TRMT61A: variants seen among roughly 807,000 people sequenced by gnomAD.
TRMT61A encodes tRNA methyltransferase 61A.
TRMT61A carries 15 observed loss-of-function variants against 21.3 expected under a neutral mutation model. The observed-to-expected ratio is 0.70, with a 90% CI of 0.47 to 1.08. TRMT61A has a LOEUF of 1.08. Among genes scored for constraint, TRMT61A ranks in the 50% least tolerant of loss-of-function variants. TRMT61A has a pLI of 0.00. For missense variants in TRMT61A, 352 were observed against 426.7 expected, an observed-to-expected ratio of 0.83 and a Z score of 1.54; for synonymous variants, 183 against 185.5, an observed-to-expected ratio of 0.99 and a Z score of 0.11.
At chr14:103,529,314 C>A in intron 1 of TRMT61A, 53 bp downstream of exon 1, 1 of 221,106 alleles carries the variant, frequency 4.5e-6, no homozygotes, top group Non-Finnish European at 9.4e-6. Flanking sequence ...GTGACCCGGG[C>A]CGGGCACGGC....
At chr14:103,533,924 C>T (rs1333682230) in intron 3 of TRMT61A, among the ~76,000 whole-genome samples, 3 of 152,218 alleles carry the variant, frequency 2.0e-5, no homozygotes, top group African/African-American at 7.2e-5. Context: ...ACCTCAGGGA[C>T]GTTTGAGGAC....
At position 103,529,990 on chromosome 14, in the gene TRMT61A, G is replaced by C; in HGVS notation, c.12G>C (p.Val4=). Residue 4 remains valine (V), a synonymous_variant, in exon 2 of 4, where the codon GTG becomes GTC. Coordinates refer to ENST00000389749, the MANE Select transcript of TRMT61A (RefSeq NM_152307.3). The stretch of plus-strand genomic sequence containing the variant: ...CAGACATTAGCACCATGAGCTTCGT[G>C]GCATACGAGGAGCTGATCAAGGAGG... MSF[V]AYEELIKEGD... 1 of 1,606,946 alleles carries C rather than the reference G, an allele frequency of 6.2e-7. No homozygotes were observed. The highest frequency in any genetic ancestry group is 1.1e-5 in the South Asian group (1 of 90,826).
rs756077573 is a variant in TRMT61A, at chr14:103,534,747, C to T, written c.796C>T (p.Arg266Cys). 50 of 1,592,044 alleles carry T rather than the reference C, an allele frequency of 3.1e-5. No homozygotes were observed. Among genetic ancestry groups the T allele is most frequent in the Admixed American group, 1.7e-4 (10 of 58,404 alleles). Residue 266 changes from arginine (R) to cysteine (C), a missense_variant, in exon 4 of 4, where the codon CGC (arginine) becomes TGC (cysteine). Physicochemically the swap from Arg to Cys is radical, Grantham distance 180. Coordinates refer to ENST00000389749, the MANE Select transcript of TRMT61A (RefSeq NM_152307.3). Reference sequence around the variant, plus strand: ...TGCCGGCTCCGACACCAGCCCCTTCCGCAGCGGCACGCCCATGAAGGAGGC... The same window carrying T: ...TGCCGGCTCCGACACCAGCCCCTTCTGCAGCGGCACGCCCATGAAGGAGGC... ...GPAGSDTSPFRSGTPMKEAVG... is the reference protein window; with the variant it reads ...GPAGSDTSPFCSGTPMKEAVG...
rs557025159 is a variant in TRMT61A at position 103,532,857 on chromosome 14, G to A, written c.598+9G>A. The A allele has an allele frequency of 3.6e-5, 55 of 1,539,194 alleles. No individual in the cohort carries two copies. Among genetic ancestry groups the A allele is most frequent in the African/African-American group, 1.2e-4 (9 of 72,982 alleles). On this transcript the variant is annotated intron_variant, in intron 3 of 3. Transcript: ENST00000389749. ...CGCCCTCAAGGTCGAAGGTGCATCC[G>A]GGGTTCCGGGAGAGGTACAGCCTGG...
chr14:103,532,803 C>A lies in TRMT61A; in HGVS notation c.553C>A (p.Pro185Thr), dbSNP rs1001612874. 12 of 1,566,714 alleles carry A rather than the reference C, an allele frequency of 7.7e-6. No individual in the cohort carries two copies. Among genetic ancestry groups the A allele is most frequent in the Admixed American group, 1.9e-5 (1 of 53,392 alleles). Reference sequence around the variant, plus strand: ...CGCCGTCTTCCTGGACATCCCATCACCCTGGGAGGCCGTGGGCCACGCCTG... The same window carrying A: ...CGCCGTCTTCCTGGACATCCCATCAACCTGGGAGGCCGTGGGCCACGCCTG... ...ADAVFLDIPSPWEAVGHAWDA... is the reference protein window; with the variant it reads ...ADAVFLDIPSTWEAVGHAWDA... The change falls in exon 3 of 4, where the codon CCC (proline) becomes ACC (threonine). Residue 185 changes from proline to threonine, a missense_variant. By Grantham distance (38) the Pro-to-Thr change is conservative. Coordinates refer to ENST00000389749, the MANE Select transcript of TRMT61A (RefSeq NM_152307.3).
intron 1 of TRMT61A, 137 bp from the exon 2 acceptor site, chr14:103,529,813 T>C: frequency 1.6e-6 from 1 of 641,294 alleles, no homozygotes; most frequent in Non-Finnish European, 2.7e-6. Context: ...TGTCAGGCAG[T>C]GGCAGAGACT....
At position 103,534,846 on chromosome 14, in the gene TRMT61A, G is replaced by C. The variant is rs952431017; in HGVS notation, c.*25G>C. On this transcript the variant is annotated 3_prime_UTR_variant, in exon 4 of 4. Transcript: ENST00000389749. ...GGGGGCCGCCTCCCAGGGCACCAGG[G>C]AGCTGGGAGCACTGAAGGGCTGGGC... The C allele has an allele frequency of 8.5e-6, 13 of 1,535,828 alleles. No individual in the cohort carries two copies. The African/African-American group carries it at 1.8e-4, about 21-fold the overall frequency.
chr14:103,535,739 A>C lies in TRMT61A; in HGVS notation c.*918A>C. The C allele has an allele frequency of 4.9e-6, 1 of 203,744 alleles. No homozygotes were observed. The highest frequency in any genetic ancestry group is 1.0e-5 in the Non-Finnish European group (1 of 98,958). 12.6% of individuals were successfully genotyped at this position (203,744 alleles called of 1,614,324 possible). On this transcript the variant is annotated 3_prime_UTR_variant, in exon 4 of 4. Coordinates refer to ENST00000389749, the MANE Select transcript of TRMT61A (RefSeq NM_152307.3). ...AGGACACCACCCAGGGACAGTGCCT[A>C]TGTGATCACCTCTTAAAGGCTAAGC...
In TRMT61A at chr14:103,534,558, T is replaced by C. The variant is rs1478669697; in HGVS notation, c.607T>C (p.Phe203Leu). The change falls in exon 4 of 4, where the codon TTC becomes CTC. Residue 203 changes from phenylalanine (F) to leucine (L), a missense_variant. Transcript: ENST00000389749. ...GGTCCTGTTTCCCACAGGCGGGCGC[T>C]TCTGCTCCTTCTCACCGTGCATCGA... ...WDALKVEGGR[F>L]CSFSPCIEQV... is the part of the protein sequence containing the mutation. 1.3e-6 allele frequency: 2 copies of C among 1,561,378 alleles called. No individual in the cohort carries two copies. Among genetic ancestry groups the C allele is most frequent in the Admixed American group, 3.6e-5 (2 of 56,118 alleles).
At position 103,534,557 on chromosome 14, in the gene TRMT61A, C is replaced by T. The variant is rs1424152376; in HGVS notation, c.606C>T (p.Arg202=). The change falls in exon 4 of 4, where the codon CGC becomes CGT. Residue 202 remains arginine (R), a synonymous_variant. Transcript: ENST00000389749. ...AWDALKVEGG[R]FCSFSPCIEQ... ...GGGTCCTGTTTCCCACAGGCGGGCG[C>T]TTCTGCTCCTTCTCACCGTGCATCG... 6.4e-7 allele frequency: 1 copy of T among 1,560,578 alleles called. No homozygotes were observed. The highest frequency in any genetic ancestry group is 1.2e-5 in the South Asian group (1 of 84,676).
chr14:103,537,059 C>A lies in TRMT61A; in HGVS notation c.*2238C>A. 1 of 152,512 alleles carries A rather than the reference C, an allele frequency of 6.6e-6. No individual in the cohort carries two copies. 9.4% of individuals were successfully genotyped at this position (152,512 alleles called of 1,614,324 possible). A position where few individuals can be genotyped will look rare whatever the true frequency, so the allele number is the denominator to read the frequency against. On this transcript the variant is annotated 3_prime_UTR_variant, in exon 4 of 4. Transcript: ENST00000389749. ...GTGGCCTGGAGCCAGCATTAAACTC[C>A]TGTATGTCCTTCAAGACCCCTTCAA...
Position 103,532,704 on chromosome 14 carries a change from C to T in TRMT61A, c.454C>T (p.Arg152Cys), listed in dbSNP as rs376660789. ...GGCCCGGGAGGAGTTCCAGGAGCAC[C>T]GTGTGGGCCGCTGGGTGACTGTGCG... is the stretch of plus-strand genomic sequence containing the variant. ...EKAREEFQEH[R>C]VGRWVTVRTQ... The change falls in exon 3 of 4, where the codon CGT becomes TGT. Residue 152 changes from arginine (R) to cysteine (C), a missense_variant. By Grantham distance (180) the Arg-to-Cys change is radical. Transcript: ENST00000389749. 9.9e-6 allele frequency: 16 copies of T among 1,612,782 alleles called. No homozygotes were observed. The highest frequency in any genetic ancestry group is 8.0e-5 in the African/African-American group (6 of 74,922).
At chr14:103,534,502 A>AG in intron 3 of TRMT61A, 48 bp from the exon 4 acceptor site, 1 of 1,519,948 alleles carries the variant, frequency 6.6e-7, no homozygotes, top group Non-Finnish European at 8.8e-7. Flanking sequence ...CAGACGGGCC[A>AG]GGCTCTGCCA....
At chr14:103,534,432 T>G in intron 3 of TRMT61A, 118 bp from the exon 4 acceptor site, 1 of 1,238,696 alleles carries the variant, frequency 8.1e-7, no homozygotes, top group Non-Finnish European at 1.1e-6. Context: ...TTGCAGTCTG[T>G]GTTGGGGCTG....
intron 3 of TRMT61A, among the ~76,000 whole-genome samples, chr14:103,533,881 G>A (rs1161621737): frequency 1.3e-5 from 2 of 152,220 alleles, no homozygotes; most frequent in African/African-American, 2.4e-5. Context: ...ACCTCCTGGC[G>A]GCCCCGTGTT....
At chr14:103,533,732 G>C (rs1249013207) in intron 3 of TRMT61A, among the ~76,000 whole-genome samples, 1 of 152,212 alleles carries the variant, frequency 6.6e-6, no homozygotes, top group African/African-American at 2.4e-5. Flanking sequence ...CCCCCTTCTG[G>C]GTCCAAAGGC....
chr14:103,530,967 GCTTT>G (rs545036229), intron 2 of TRMT61A, among the ~76,000 whole-genome samples: 82 of 152,344 alleles, frequency 5.4e-4, no homozygotes, highest in African/African-American at 1.9e-3. Flanking sequence ...TGCCATGCTG[GCTTT>G]CTGAGGGCTG....
chr14:103,530,621 C>A (rs577160574), intron 2 of TRMT61A, among the ~76,000 whole-genome samples: 1 of 152,284 alleles, frequency 6.6e-6, no homozygotes, highest in East Asian at 1.9e-4. Context: ...AGGTACTGAC[C>A]GTCAACCTCT....
chr14:103,535,277 C>G lies in TRMT61A; in HGVS notation c.*456C>G, dbSNP rs1408005299. The stretch of plus-strand genomic sequence containing the variant: ...GAGACCATCTCGTGCTTCTCCAGTC[C>G]CCGGGCCGAGGCTCCAGCCTTGGCC... On this transcript the variant is annotated 3_prime_UTR_variant, in exon 4 of 4. Transcript: ENST00000389749. 1 of 452,784 alleles carries G rather than the reference C, an allele frequency of 2.2e-6. No individual in the cohort carries two copies. The highest frequency in any genetic ancestry group is 6.9e-5 in the East Asian group (1 of 14,466). 28.0% of individuals were successfully genotyped at this position (452,784 alleles called of 1,614,324 possible). A position where few individuals can be genotyped will look rare whatever the true frequency, so the allele number is the denominator to read the frequency against.
Sources: allele counts gnomAD v4.1 joint callset (sites outside exome capture counted in the v4.1 genomes callset), GRCh38; gene constraint gnomAD v4.1.1; transcripts MANE v1.5; gene names NCBI Gene and HGNC (gene_info 2026-07-23, HGNC 2026-07-21).